CNOT11: variants seen among roughly 807,000 people sequenced by gnomAD.
CNOT11 encodes the protein UPF0760 protein C2orf29.
In CNOT11, 18 loss-of-function variants were observed where a neutral mutation model predicts 44.6. That is an observed-to-expected ratio of 0.40 (90% CI 0.28 to 0.60). The LOEUF is 0.60. Among genes scored for constraint, CNOT11 ranks in the 20% least tolerant of loss-of-function variants. CNOT11 has a pLI of 0.38. For synonymous variants in CNOT11, 291 were observed against 270.9 expected (o/e 1.07, Z -0.73); for missense variants, 513 against 677.0 (o/e 0.76, Z 2.69).
chr2:101,265,077 C>G, intron 4 of CNOT11, 30 bp downstream of exon 4: 2 of 1,328,606 alleles, frequency 1.5e-6, no homozygotes, highest in Non-Finnish European at 2.0e-6. Context: ...ATTTTCTTAT[C>G]TTTTTTTTTA....
At chr2:101,255,863 T>C (rs1279787553) in intron 1 of CNOT11, among the ~76,000 whole-genome samples, 1 of 151,642 alleles carries the variant, frequency 6.6e-6, no homozygotes, top group East Asian at 1.9e-4. Context: ...TAAGGCCGGG[T>C]GTGGTAGCTC....
chr2:101,255,061 T>G (rs1305111161), intron 1 of CNOT11, among the ~76,000 whole-genome samples: 1 of 152,196 alleles, frequency 6.6e-6, no homozygotes, highest in African/African-American at 2.4e-5. Context: ...ACACACAGAT[T>G]TGCCATAGGT....
Position 101,269,202 on chromosome 2 carries a change from T to C in CNOT11, c.1336-14T>C, listed in dbSNP as rs1039498456. On this transcript the variant is annotated splice_polypyrimidine_tract_variant and intron_variant, in intron 6 of 6. Coordinates refer to ENST00000289382, the MANE Select transcript of CNOT11 (RefSeq NM_017546.5). The surrounding 1 kb of genome is among the most constrained non-coding windows in gnomAD (Gnocchi z 4.8). ...AAAATGAGCAGACTAACATTTTTTT[T>C]TTTCCTTTTTCAGAATCGGTTGGTG... 6 of 1,606,022 alleles carry C rather than the reference T, an allele frequency of 3.7e-6. No individual in the cohort carries two copies. The African/African-American group carries it at 8.1e-5, about 22-fold the overall frequency.
At chr2:101,261,549 G>T (rs910599997) in intron 2 of CNOT11, among the ~76,000 whole-genome samples, 1 of 152,150 alleles carries the variant, frequency 6.6e-6, no homozygotes, top group African/African-American at 2.4e-5. Context: ...GGAAAGAAAT[G>T]CACATGTAAA....
chr2:101,258,432 A>G (rs1171310899), intron 2 of CNOT11, among the ~76,000 whole-genome samples: 1 of 149,814 alleles, frequency 6.7e-6, no homozygotes, highest in Non-Finnish European at 1.5e-5. Flanking sequence ...TAAATAAATA[A>G]ATAAATGGAA....
intron 5 of CNOT11, 75 bp from the exon 6 acceptor site, chr2:101,268,965 T>A: frequency 1.1e-6 from 1 of 942,362 alleles, no homozygotes; most frequent in Non-Finnish European, 1.6e-6. Flanking sequence ...AAGCAAATTT[T>A]GTATTTTATG....
intron 3 of CNOT11, 103 bp from the exon 4 acceptor site, chr2:101,264,742 C>G (rs1681940981): frequency 1.1e-6 from 1 of 893,124 alleles, no homozygotes; most frequent in Non-Finnish European, 1.8e-6. Flanking sequence ...GTCACATCAT[C>G]CTTATTAAGA....
intron 1 of CNOT11, among the ~76,000 whole-genome samples, chr2:101,257,548 A>G (rs1053075213): frequency 1.3e-5 from 2 of 152,018 alleles, no homozygotes; most frequent in African/African-American, 4.8e-5. Context: ...TCTTTCTTTA[A>G]CTCTTACAGT....
intron 3 of CNOT11, among the ~76,000 whole-genome samples, chr2:101,263,106 A>C (rs1465771043): frequency 6.6e-6 from 1 of 152,112 alleles, no homozygotes; most frequent in Non-Finnish European, 1.5e-5. Context: ...CTGTAGTCCC[A>C]GCTACTTGGG....
chr2:101,269,841 CCAT>C lies in CNOT11; in HGVS notation c.*431_*433del, dbSNP rs1682071013. The stretch of plus-strand genomic sequence containing the variant: ...GTGAAAGCAGCTGAATGTTTCTGAA[CCAT>C]CAAGAGGCAAACAAACAGGAGTTTG... On this transcript the variant is annotated 3_prime_UTR_variant, in exon 7 of 7. Transcript: ENST00000289382. The surrounding 1 kb of genome is among the most constrained non-coding windows in gnomAD (Gnocchi z 4.8). 2 of 156,462 alleles carry C rather than the reference CCAT, an allele frequency of 1.3e-5. No individual in the cohort carries two copies. Among genetic ancestry groups the C allele is most frequent in the Admixed American group, 6.3e-5 (1 of 15,828 alleles). 9.7% of individuals were successfully genotyped at this position (156,462 alleles called of 1,614,324 possible).
intron 3 of CNOT11, among the ~76,000 whole-genome samples, chr2:101,263,241 A>G (rs1681909277): frequency 6.6e-6 from 1 of 151,836 alleles, no homozygotes; most frequent in East Asian, 1.9e-4. Flanking sequence ...ACAGATTCTC[A>G]TTTTACTGAA....
rs1392743208 is a variant in CNOT11 at position 101,265,011 on chromosome 2, C to T, written c.999C>T (p.Ala333=). The T allele has an allele frequency of 4.3e-6, 7 of 1,613,874 alleles. No individual in the cohort carries two copies. The highest frequency in any genetic ancestry group is 1.7e-5 in the Admixed American group (1 of 60,002). Reference sequence around the variant, plus strand: ...AGATCAAACGAATAATGGCCAAAGCCTTCAAAAGCCCCTTATCCTCTCCCC... The same window carrying T: ...AGATCAAACGAATAATGGCCAAAGCTTTCAAAAGCCCCTTATCCTCTCCCC... ...GVEIKRIMAK[A]FKSPLSSPQQ... Residue 333 remains alanine, a synonymous_variant, in exon 4 of 7, where the codon GCC becomes GCT. Coordinates refer to ENST00000289382, the MANE Select transcript of CNOT11 (RefSeq NM_017546.5).
chr2:101,253,337 C>T lies in CNOT11; in HGVS notation c.373C>T (p.Leu125Phe). Residue 125 changes from leucine (L) to phenylalanine (F), a missense_variant, in exon 1 of 7, where the codon CTC (leucine) becomes TTC (phenylalanine). Transcript: ENST00000289382. This position sits in a 1 kb window ranked among gnomAD's most constrained non-coding sequence, Gnocchi z 4.3. Reference protein sequence around the residue: ...PDLLPSAAQRLTALYLLWEMY... With the variant: ...PDLLPSAAQRFTALYLLWEMY... Reference sequence around the variant, plus strand: ...CCTGCTGCCTAGCGCGGCGCAGCGCCTCACGGCGCTCTACCTGCTCTGGGA... The same window carrying T: ...CCTGCTGCCTAGCGCGGCGCAGCGCTTCACGGCGCTCTACCTGCTCTGGGA... The T allele has an allele frequency of 6.2e-7, 1 of 1,604,124 alleles. No individual in the cohort carries two copies. The highest frequency in any genetic ancestry group is 8.5e-7 in the Non-Finnish European group (1 of 1,179,086).
At position 101,264,869 on chromosome 2, in the gene CNOT11, G is replaced by C; in HGVS notation, c.857G>C (p.Arg286Pro). ...GGCCATTTTCGACCAGAGTTTATTC[G>C]TCCACCGCCTCCACTCCACATTTGT... Reference protein sequence around the residue: ...IESHFRPEFIRPPPPLHICED... With the variant: ...IESHFRPEFIPPPPPLHICED... The change falls in exon 4 of 7, where the codon CGT (arginine) becomes CCT (proline). Residue 286 changes from arginine to proline, a missense_variant. Arg to Pro is a moderately radical substitution (Grantham distance 103). This residue lies in a region of CNOT11 where 140 missense variants were observed against 169.8 expected (regional missense o/e 0.82). Coordinates refer to ENST00000289382, the MANE Select transcript of CNOT11 (RefSeq NM_017546.5). 1 of 1,613,882 alleles carries C rather than the reference G, an allele frequency of 6.2e-7. No individual in the cohort carries two copies. Among genetic ancestry groups the C allele is most frequent in the Non-Finnish European group, 8.5e-7 (1 of 1,179,954 alleles).
chr2:101,267,152 T>A (rs1466718450), intron 5 of CNOT11, among the ~76,000 whole-genome samples: 1 of 152,178 alleles, frequency 6.6e-6, no homozygotes, highest in African/African-American at 2.4e-5. Flanking sequence ...AGAGGGAGTC[T>A]CACTCTGTTG....
intron 3 of CNOT11, among the ~76,000 whole-genome samples, chr2:101,263,978 A>C (rs1681922482): frequency 1.3e-5 from 2 of 152,254 alleles, no homozygotes; most frequent in Non-Finnish European, 2.9e-5. Flanking sequence ...TTCAGATGCT[A>C]GTCCTGGTGA....
Position 101,264,968 on chromosome 2 carries a change from A to C in CNOT11, c.956A>C (p.Lys319Thr), listed in dbSNP as rs770087924. Residue 319 changes from lysine (K) to threonine (T), a missense_variant, in exon 4 of 7, where the codon AAG becomes ACG. Lys to Thr is a moderately conservative substitution (Grantham distance 78, BLOSUM62 -1). Around this residue, in one of 4 missense-constraint regions of CNOT11, gnomAD observed 140 missense variants for 169.8 expected, o/e 0.82. Coordinates refer to ENST00000289382, the MANE Select transcript of CNOT11 (RefSeq NM_017546.5). ...CAGTGGGATAAATCGATGTGTGTTAAGAATAGCACTGGTGTGGAGATCAAA... is the reference window on the plus strand; with the variant it reads ...CAGTGGGATAAATCGATGTGTGTTACGAATAGCACTGGTGTGGAGATCAAA... The part of the protein sequence containing the change: ...AIQWDKSMCV[K>T]NSTGVEIKRI... 6.2e-7 allele frequency: 1 copy of C among 1,614,118 alleles called. No homozygotes were observed. The highest frequency in any genetic ancestry group is 8.5e-7 in the Non-Finnish European group (1 of 1,180,048).
At chr2:101,258,891 G>C (rs1681792091) in intron 2 of CNOT11, among the ~76,000 whole-genome samples, 1 of 152,028 alleles carries the variant, frequency 6.6e-6, no homozygotes, top group Admixed American at 6.6e-5. Context: ...GTAATCTTTG[G>C]GAGAGGCCAA....
chr2:101,266,237 C>T (rs2104369598), intron 4 of CNOT11, among the ~76,000 whole-genome samples: 1 of 152,272 alleles, frequency 6.6e-6, no homozygotes, highest in Middle Eastern at 3.4e-3. Flanking sequence ...GCCCCCTTCT[C>T]AGGTATTTCT....
Sources: allele counts gnomAD v4.1 joint callset (sites outside exome capture counted in the v4.1 genomes callset), GRCh38; gene constraint gnomAD v4.1.1; regional missense constraint gnomAD v4.1.1; non-coding constraint Gnocchi (gnomAD v3.1); transcripts MANE v1.5; gene names NCBI Gene and HGNC (gene_info 2026-07-23, HGNC 2026-07-21).